The following HERPUD2 variants were observed in gnomAD, a reference collection of about 807,000 sequenced individuals.
HERPUD2 encodes homocysteine-responsive endoplasmic reticulum-resident ubiquitin-like domain member 2 protein.
In HERPUD2, 13 loss-of-function variants were observed where a neutral mutation model predicts 49.9. The ratio of observed to expected loss-of-function variants is 0.26; its 90% CI spans 0.17 to 0.41. HERPUD2 has a LOEUF of 0.41. Among genes scored for constraint, HERPUD2 ranks in the 10% least tolerant of loss-of-function variants. HERPUD2 has a pLI of 1.00. For synonymous variants in HERPUD2, 172 were observed against 171.4 expected (o/e 1.00, Z -0.03); for missense variants, 449 against 492.2 (o/e 0.91, Z 0.83).
intron 6 of HERPUD2, among the ~76,000 whole-genome samples, chr7:35,636,948 T>C (rs1784879314): frequency 6.6e-6 from 1 of 152,178 alleles, no homozygotes; most frequent in South Asian, 2.1e-4. Flanking sequence ...GCCTGGCCAA[T>C]GTGGCAAAAC....
chr7:35,648,083 TAA>T (rs1175747455), intron 5 of HERPUD2, among the ~76,000 whole-genome samples: 1 of 152,144 alleles, frequency 6.6e-6, no homozygotes, highest in East Asian at 1.9e-4. Flanking sequence ...TCTGTACAAG[TAA>T]AGAGACTCAG....
At chr7:35,658,786 C>G (rs1785345211) in intron 5 of HERPUD2, among the ~76,000 whole-genome samples, 1 of 152,146 alleles carries the variant, frequency 6.6e-6, no homozygotes, top group Non-Finnish European at 1.5e-5. Context: ...CAAAAACAGT[C>G]AAGACTTACA....
chr7:35,681,552 C>CA (rs35619081), intron 2 of HERPUD2, among the ~76,000 whole-genome samples: 1 of 151,160 alleles, frequency 6.6e-6, no homozygotes, highest in Non-Finnish European at 1.5e-5. Context: ...TCTTAATAGT[C>CA]AAAAAAAAGT....
chr7:35,653,171 T>C (rs554879205), intron 5 of HERPUD2, among the ~76,000 whole-genome samples: 1 of 152,186 alleles, frequency 6.6e-6, no homozygotes, highest in African/African-American at 2.4e-5. Flanking sequence ...TCCAACCACA[T>C]GCTGCCTACA....
intron 5 of HERPUD2, among the ~76,000 whole-genome samples, chr7:35,645,820 T>C (rs138764617): frequency 1.3e-5 from 2 of 152,318 alleles, no homozygotes; most frequent in East Asian, 3.9e-4. Flanking sequence ...GCACATTTTA[T>C]CTCTAGAATA....
intron 2 of HERPUD2, among the ~76,000 whole-genome samples, chr7:35,688,191 C>A (rs936764326): frequency 6.6e-6 from 1 of 152,136 alleles, no homozygotes; most frequent in African/African-American, 2.4e-5. Flanking sequence ...GAAATGAATT[C>A]TGTAAATTTG....
intron 5 of HERPUD2, among the ~76,000 whole-genome samples, chr7:35,641,237 G>C (rs1173752173): frequency 6.6e-6 from 1 of 152,132 alleles, no homozygotes; most frequent in Non-Finnish European, 1.5e-5. Context: ...AAGAGGTACA[G>C]GTAAAACCTA....
intron 5 of HERPUD2, among the ~76,000 whole-genome samples, chr7:35,652,784 A>C (rs1456934218): frequency 6.6e-6 from 1 of 152,112 alleles, no homozygotes; most frequent in African/African-American, 2.4e-5. Flanking sequence ...GTTATCCTTC[A>C]TAAATGAAGG....
intron 5 of HERPUD2, among the ~76,000 whole-genome samples, chr7:35,647,066 T>C (rs1451317850): frequency 6.6e-6 from 1 of 152,062 alleles, no homozygotes; most frequent in Non-Finnish European, 1.5e-5. Flanking sequence ...TTTAAAAAGT[T>C]AAAATTACAG....
intron 2 of HERPUD2, among the ~76,000 whole-genome samples, chr7:35,688,753 T>A (rs1030471287): frequency 1.1e-4 from 17 of 152,166 alleles, no homozygotes; most frequent in African/African-American, 4.1e-4. Context: ...ATAACTGAGA[T>A]GGCTGAGTCC....
At chr7:35,657,581 G>A (rs1407163836) in intron 5 of HERPUD2, among the ~76,000 whole-genome samples, 3 of 140,972 alleles carry the variant, frequency 2.1e-5, no homozygotes, top group Non-Finnish European at 3.0e-5. Flanking sequence ...TCCAGCCTGG[G>A]CAACAGAGCA....
chr7:35,637,450 T>G (rs1284645443), intron 6 of HERPUD2, among the ~76,000 whole-genome samples: 3 of 152,170 alleles, frequency 2.0e-5, no homozygotes, highest in Non-Finnish European at 4.4e-5. Flanking sequence ...CTAGTATGAC[T>G]GACGAAGAAG....
chr7:35,653,203 A>G (rs1785202115), intron 5 of HERPUD2, among the ~76,000 whole-genome samples: 1 of 152,222 alleles, frequency 6.6e-6, no homozygotes, highest in African/African-American at 2.4e-5. Flanking sequence ...TCAACTGTAA[A>G]TGCACAGACT....
chr7:35,644,992 A>C (rs553081170), intron 5 of HERPUD2, among the ~76,000 whole-genome samples: 1 of 152,284 alleles, frequency 6.6e-6, no homozygotes, highest in African/African-American at 2.4e-5. Context: ...ACAAATACAC[A>C]CTGTTTACAG....
Position 35,670,222 on chromosome 7 carries a change from C to G in HERPUD2, c.332G>C (p.Ser111Thr), listed in dbSNP as rs1468443138. 6.5e-7 allele frequency: 1 copy of G among 1,529,824 alleles called. No homozygotes were observed. Among genetic ancestry groups the G allele is most frequent in the South Asian group, 1.2e-5 (1 of 81,812 alleles). The allele number at this position is 1,529,824 out of a possible 1,614,324, so 94.8% of individuals were successfully genotyped here. A position where few individuals can be genotyped will look rare whatever the true frequency, so the allele number is the denominator to read the frequency against. The change falls in exon 4 of 9, where the codon AGC becomes ACC. Residue 111 changes from serine (S) to threonine (T), a missense_variant. Coordinates refer to ENST00000311350, the MANE Select transcript of HERPUD2 (RefSeq NM_022373.5). Reference protein sequence around the residue: ...RESHEALASSSNSSSDHSGST... With the variant: ...RESHEALASSTNSSSDHSGST... ...CCTCCCAAAACAACTCACAGAATTGCTGCTGGATGCCAATGCTTCATGACT... is the reference window on the plus strand; with the variant it reads ...CCTCCCAAAACAACTCACAGAATTGGTGCTGGATGCCAATGCTTCATGACT...
In HERPUD2 at chr7:35,657,705, C is replaced by T. The variant is rs1170968163; in HGVS notation, c.494+9729G>A. On this transcript the variant is annotated intron_variant, in intron 5 of 8. Transcript: ENST00000311350. ...AGGGCGGATCACAAGGTCAGGAGAT[C>T]GAGACCATCCTGGCTAACACTGTGA... 6.7e-5 allele frequency among the ~76,000 whole-genome samples: 10 copies of T among 149,168 alleles called. 1 individual carries two copies. In the East Asian group the frequency reaches 1.8e-3, roughly 26 times the overall value.
intron 3 of HERPUD2, among the ~76,000 whole-genome samples, chr7:35,671,233 T>C (rs1350600043): frequency 6.6e-6 from 1 of 152,060 alleles, no homozygotes; most frequent in Non-Finnish European, 1.5e-5. Flanking sequence ...GGCCCTTCCT[T>C]AAAGAGGCTC....
intron 2 of HERPUD2, among the ~76,000 whole-genome samples, chr7:35,684,152 C>T (rs1400027040): frequency 1.3e-5 from 2 of 152,142 alleles, no homozygotes; most frequent in African/African-American, 2.4e-5. Context: ...TTTGGGAGGC[C>T]GAGGCGGGTG....
intron 5 of HERPUD2, among the ~76,000 whole-genome samples, chr7:35,642,797 G>A (rs920182136): frequency 2.0e-5 from 3 of 152,154 alleles, no homozygotes; most frequent in African/African-American, 7.2e-5. Flanking sequence ...AGACACTTCA[G>A]CGTACTTGAG....
Sources: allele counts gnomAD v4.1 joint callset (sites outside exome capture counted in the v4.1 genomes callset), GRCh38; gene constraint gnomAD v4.1.1; transcripts MANE v1.5; gene names NCBI Gene and HGNC (gene_info 2026-07-23, HGNC 2026-07-21).